The following EXOC4 variants were observed in gnomAD, a reference collection of about 807,000 sequenced individuals.
The protein encoded by EXOC4 is SEC8-like 1.
EXOC4 carries 71 observed loss-of-function variants against 107.2 expected under a neutral mutation model. The ratio of observed to expected loss-of-function variants is 0.66; its 90% CI spans 0.55 to 0.81. The LOEUF is 0.81. Ranked by LOEUF, EXOC4 falls within the 30% of genes least tolerant of loss-of-function variation. The probability of loss-of-function intolerance (pLI) is 0.00; values close to 1 mark genes in which losing one functional copy is unlikely to be tolerated. For synonymous variants in EXOC4, 456 were observed against 441.2 expected (o/e 1.03, Z -0.42); for missense variants, 1,108 against 1,189.6 (o/e 0.93, Z 1.01).
At chr7:133,352,034 G>C (rs1056216221) in intron 5 of EXOC4, among the ~76,000 whole-genome samples, 3 of 151,948 alleles carry the variant, frequency 2.0e-5, no homozygotes, top group Non-Finnish European at 2.9e-5. Flanking sequence ...TATTTAGTTA[G>C]AGAAGATACT....
intron 17 of EXOC4, among the ~76,000 whole-genome samples, chr7:134,058,379 C>CA (rs1336651543): frequency 6.6e-6 from 1 of 151,996 alleles, no homozygotes; most frequent in African/African-American, 2.4e-5. Flanking sequence ...CTCCCTTCCC[C>CA]AAAAAAGTAC....
intron 9 of EXOC4, among the ~76,000 whole-genome samples, chr7:133,547,173 C>G (rs574666199): frequency 6.6e-5 from 10 of 152,118 alleles, no homozygotes; most frequent in Non-Finnish European, 1.3e-4. Flanking sequence ...ATATAGCAAG[C>G]CACATGAATT....
At chr7:133,882,617 AG>A (rs1798990016) in intron 11 of EXOC4, among the ~76,000 whole-genome samples, 1 of 152,238 alleles carries the variant, frequency 6.6e-6, no homozygotes, top group Non-Finnish European at 1.5e-5. Context: ...AGGGTTAGGG[AG>A]AATCTTCCCA....
chr7:133,501,248 GGCTAATGCAAA>G (rs1303085408), intron 9 of EXOC4, among the ~76,000 whole-genome samples: 1 of 152,038 alleles, frequency 6.6e-6, no homozygotes, highest in Non-Finnish European at 1.5e-5. Context: ...GTAATCACAG[GGCTAATGCAAA>G]GCTCTGATAA....
intron 10 of EXOC4, among the ~76,000 whole-genome samples, chr7:133,644,358 G>A (rs1802936990): frequency 6.6e-6 from 1 of 152,084 alleles, no homozygotes; most frequent in Non-Finnish European, 1.5e-5. Context: ...TGCCATCTTG[G>A]GATGCAGTTA....
chr7:133,718,709 G>C (rs1795046053), intron 10 of EXOC4, among the ~76,000 whole-genome samples: 1 of 152,004 alleles, frequency 6.6e-6, no homozygotes, highest in Non-Finnish European at 1.5e-5. Context: ...ATTTTTCCTG[G>C]GATTGTAGTG....
chr7:134,071,315 C>T (rs1338220786), downstream of EXOC4, among the ~76,000 whole-genome samples: 2 of 152,200 alleles, frequency 1.3e-5, no homozygotes, highest in South Asian at 2.1e-4. Context: ...CCACTCGTCT[C>T]ACAACAGCCA....
chr7:133,665,442 G>C (rs1793790226), intron 10 of EXOC4, among the ~76,000 whole-genome samples: 1 of 152,086 alleles, frequency 6.6e-6, no homozygotes, highest in Non-Finnish European at 1.5e-5. Context: ...ACTTCTGAAA[G>C]TAATCCTTCT....
chr7:133,534,251 A>G (rs1281741793), intron 9 of EXOC4, among the ~76,000 whole-genome samples: 1 of 152,192 alleles, frequency 6.6e-6, no homozygotes, highest in East Asian at 1.9e-4. Context: ...ATGATGTCAC[A>G]TTGAAATGTA....
At position 133,696,533 on chromosome 7, in the gene EXOC4, T is replaced by C. The variant is rs116040233; in HGVS notation, c.1514+66392T>C. On this transcript the variant is annotated intron_variant, in intron 10 of 17. Transcript: ENST00000253861. Reference sequence around the variant, plus strand: ...ATCTGCATATTGCTTATAGAAAATATAGCTCCTCTTTTTTTTCCCCATGTA... The same window carrying C: ...ATCTGCATATTGCTTATAGAAAATACAGCTCCTCTTTTTTTTCCCCATGTA... Among the ~76,000 whole-genome samples the C allele has an allele frequency of 9.4e-3, 1,429 of 152,346 alleles. 24 individuals are homozygous for C. Among genetic ancestry groups the C allele is most frequent in the African/African-American group, 0.032 (1,322 of 41,566 alleles).
chr7:133,929,902 C>T lies in EXOC4; in HGVS notation c.2028-7989C>T, dbSNP rs1395040923. On this transcript the variant is annotated intron_variant, in intron 13 of 17. Coordinates refer to ENST00000253861, the MANE Select transcript of EXOC4 (RefSeq NM_021807.4). ...AGAGAAGAGAAACCTTACCTGACAC[C>T]TCCTTGCTTTTGCCTGAGGTCAATT... 2.0e-5 allele frequency among the ~76,000 whole-genome samples: 3 copies of T among 152,118 alleles called. No individual in the cohort carries two copies. The East Asian group carries it at 5.8e-4, about 29-fold the overall frequency.
At chr7:133,464,649 A>T (rs757680735) in intron 7 of EXOC4, among the ~76,000 whole-genome samples, 3 of 152,114 alleles carry the variant, frequency 2.0e-5, no homozygotes, top group Non-Finnish European at 4.4e-5. Flanking sequence ...TATCGGAATC[A>T]AGGAGACTGA....
In EXOC4 at chr7:134,028,490, CAT is replaced by C. The variant is rs1301871735; in HGVS notation, c.2687+20656_2687+20657del. Among the ~76,000 whole-genome samples the C allele has an allele frequency of 6.6e-5, 10 of 152,260 alleles. No homozygotes were observed. In the East Asian group the frequency reaches 7.7e-4, roughly 12 times the overall value. On this transcript the variant is annotated intron_variant, in intron 17 of 17. Coordinates refer to ENST00000253861, the MANE Select transcript of EXOC4 (RefSeq NM_021807.4). ...AAGAACCGCAATTATGTGAGAATAACATGTGGGAAACTGTTCCTGCTGCTGAG... is the reference window on the plus strand; with the variant it reads ...AAGAACCGCAATTATGTGAGAATAACGTGGGAAACTGTTCCTGCTGCTGAG...
chr7:133,397,207 G>T (rs564114900), intron 7 of EXOC4, among the ~76,000 whole-genome samples: 1 of 150,796 alleles, frequency 6.6e-6, no homozygotes, highest in South Asian at 2.1e-4. Flanking sequence ...TCGGCTCACC[G>T]CAACTTCCAC....
At chr7:133,812,860 A>G (rs1370687011) in intron 10 of EXOC4, among the ~76,000 whole-genome samples, 1 of 152,058 alleles carries the variant, frequency 6.6e-6, no homozygotes, top group Non-Finnish European at 1.5e-5. Flanking sequence ...CCCCTCCCGG[A>G]AATTTTGTAA....
intron 11 of EXOC4, among the ~76,000 whole-genome samples, chr7:133,877,362 A>C (rs1798871782): frequency 6.6e-6 from 1 of 151,944 alleles, no homozygotes; most frequent in South Asian, 2.1e-4. Context: ...GGTTTTTTTT[A>C]CATTGTTAAG....
chr7:133,915,458 T>C (rs1799787880), intron 12 of EXOC4, among the ~76,000 whole-genome samples: 1 of 152,120 alleles, frequency 6.6e-6, no homozygotes, highest in Non-Finnish European at 1.5e-5. Flanking sequence ...AGTATGTAAT[T>C]AGATCCCTTC....
intron 9 of EXOC4, among the ~76,000 whole-genome samples, chr7:133,585,335 A>G (rs984721320): frequency 1.3e-5 from 2 of 152,244 alleles, no homozygotes; most frequent in Admixed American, 6.5e-5. Context: ...AATGAAGTGT[A>G]TAGCACATGG....
At chr7:133,968,471 C>G (rs1469585993) in intron 14 of EXOC4, among the ~76,000 whole-genome samples, 2 of 152,162 alleles carry the variant, frequency 1.3e-5, no homozygotes, top group Non-Finnish European at 2.9e-5. Flanking sequence ...TTTGCAGTGG[C>G]TGGTACCAGC....
Sources: gnomAD v4.1 joint callset for allele counts (sites outside exome capture counted in the v4.1 genomes callset) on GRCh38, gnomAD v4.1.1 for gene constraint, MANE v1.5 for transcripts, NCBI Gene and HGNC (gene_info 2026-07-23, HGNC 2026-07-21) for gene names.